SV2C: variants seen among roughly 807,000 people sequenced by gnomAD.
SV2C encodes synaptic vesicle glycoprotein 2C.
A neutral mutation model predicts 79.7 loss-of-function variants in SV2C; 49 were observed. That is an observed-to-expected ratio of 0.61 (90% confidence interval 0.49 to 0.78). SV2C has a LOEUF of 0.78. Ranked by LOEUF, SV2C falls within the 30% of genes least tolerant of loss-of-function variation. The pLI, the probability that SV2C is intolerant of heterozygous loss-of-function variation, is 0.00. For synonymous variants in SV2C, 334 were observed against 333.2 expected (o/e 1.00, Z -0.03); for missense variants, 833 against 912.9 (o/e 0.91, Z 1.13).
chr5:76,062,519 G>T, the SV2C span, among the ~76,000 whole-genome samples: 1 of 151,476 alleles, frequency 6.6e-6, no homozygotes, highest in East Asian at 1.9e-4. Context: ...ATAAATTTCT[G>T]TTCTTTATAA....
the SV2C span, among the ~76,000 whole-genome samples, chr5:76,073,072 T>G: frequency 1.3e-5 from 2 of 152,356 alleles, no homozygotes; most frequent in South Asian, 4.1e-4. Flanking sequence ...TTATTTCTTT[T>G]GCTTTGCAGA....
At chr5:75,906,310 G>A in the SV2C span, among the ~76,000 whole-genome samples, 5 of 152,142 alleles carry the variant, frequency 3.3e-5, no homozygotes, top group Non-Finnish European at 5.9e-5. Context: ...GCAGTGCCAG[G>A]AAATTTTCTT....
At chr5:76,120,648 G>A (rs1398420359) in intron 1 of SV2C, among the ~76,000 whole-genome samples, 3 of 149,632 alleles carry the variant, frequency 2.0e-5, no homozygotes, top group Non-Finnish European at 4.4e-5. Context: ...ATAGTTTACT[G>A]AGAATGATGA....
chr5:76,248,554 G>T (rs539336402), intron 4 of SV2C, among the ~76,000 whole-genome samples: 50 of 152,062 alleles, frequency 3.3e-4, no homozygotes, highest in Non-Finnish European at 6.6e-4. Context: ...ATTTGGAGGG[G>T]ACTAAGTTCA....
At chr5:75,900,109 G>C in the SV2C span, among the ~76,000 whole-genome samples, 1 of 152,148 alleles carries the variant, frequency 6.6e-6, no homozygotes, top group Non-Finnish European at 1.5e-5. Flanking sequence ...CTGTCATTAT[G>C]ATGTTAGCCA....
the SV2C span, among the ~76,000 whole-genome samples, chr5:75,902,571 C>G: frequency 4.6e-5 from 7 of 152,296 alleles, no homozygotes; most frequent in Admixed American, 1.3e-4. Context: ...GGTTGAAATG[C>G]TTTTCCCAGA....
chr5:76,219,589 C>A (rs1561269449), intron 4 of SV2C, among the ~76,000 whole-genome samples: 1 of 152,190 alleles, frequency 6.6e-6, no homozygotes, highest in East Asian at 1.9e-4. Flanking sequence ...GGTCTCCCAG[C>A]CCAGCCTCTT....
intron 4 of SV2C, among the ~76,000 whole-genome samples, chr5:76,223,468 T>TACATAC (rs1745140128): frequency 1.5e-5 from 1 of 65,406 alleles, no homozygotes; most frequent in Non-Finnish European, 2.6e-5. Flanking sequence ...TATATATATA[T>TACATAC]ATATATATAT....
chr5:75,944,644 G>C, the SV2C span, among the ~76,000 whole-genome samples: 1 of 151,958 alleles, frequency 6.6e-6, no homozygotes, highest in Non-Finnish European at 1.5e-5. Context: ...TTTGACACCT[G>C]GGTTTGAACT....
chr5:75,967,616 G>A, the SV2C span, among the ~76,000 whole-genome samples: 2 of 152,310 alleles, frequency 1.3e-5, no homozygotes, highest in East Asian at 3.9e-4. Context: ...TGGCAGCGAG[G>A]CTGGGGGAGG....
the SV2C span, among the ~76,000 whole-genome samples, chr5:75,901,946 G>T: frequency 3.3e-5 from 5 of 151,038 alleles, no homozygotes; most frequent in African/African-American, 7.3e-5. Flanking sequence ...TCAGAAAAGC[G>T]CAGTATTCGG....
the SV2C span, among the ~76,000 whole-genome samples, chr5:75,900,576 C>T: frequency 6.6e-6 from 1 of 152,062 alleles, no homozygotes; most frequent in Non-Finnish European, 1.5e-5. Context: ...ATCTTTGTGG[C>T]ATTCTCTGTA....
chr5:75,978,116 G>T, the SV2C span, among the ~76,000 whole-genome samples: 2 of 152,106 alleles, frequency 1.3e-5, no homozygotes, highest in South Asian at 4.1e-4. Context: ...TCTTGCCAAG[G>T]TCACCAATGA....
At chr5:75,941,320 C>T in the SV2C span, among the ~76,000 whole-genome samples, 987 of 152,200 alleles carry the variant, frequency 6.5e-3, 14 homozygotes, top group African/African-American at 0.023. Context: ...ATCAAAAGCT[C>T]GATTTATCTA....
At chr5:75,868,495 C>T in the SV2C span, among the ~76,000 whole-genome samples, 1 of 152,032 alleles carries the variant, frequency 6.6e-6, no homozygotes, top group South Asian at 2.1e-4. Flanking sequence ...TGGGACCAGA[C>T]CAAACAAACA....
At chr5:76,211,842 G>C (rs1400917438) in intron 4 of SV2C, among the ~76,000 whole-genome samples, 1 of 152,026 alleles carries the variant, frequency 6.6e-6, no homozygotes, top group East Asian at 1.9e-4. Flanking sequence ...GCTTTCTTTT[G>C]ATGAACCTGA....
chr5:75,921,494 G>GT, the SV2C span: 1 of 802,642 alleles, frequency 1.2e-6, no homozygotes, highest in East Asian at 2.4e-5. Context: ...TGAACTTAGG[G>GT]TTCTTGCAAT....
chr5:75,897,014 A>T, the SV2C span, among the ~76,000 whole-genome samples: 1 of 145,146 alleles, frequency 6.9e-6, no homozygotes, highest in Non-Finnish European at 1.5e-5. Context: ...CCCATTTTGT[A>T]GGTTGCCTGT....
the SV2C span, among the ~76,000 whole-genome samples, chr5:75,958,325 C>T: frequency 0.046 from 7,037 of 151,946 alleles, 437 homozygotes; most frequent in African/African-American, 0.14. Context: ...ACATTATTTT[C>T]GGTTCTGTCT....
Sources: allele counts gnomAD v4.1 joint callset (sites outside exome capture counted in the v4.1 genomes callset), GRCh38; gene constraint gnomAD v4.1.1; transcripts MANE v1.5; gene names NCBI Gene and HGNC (gene_info 2026-07-23, HGNC 2026-07-21).